Variants in FNTB observed in about 807,000 individuals in gnomAD.
FNTB encodes the protein protein farnesyltransferase subunit beta.
Under a neutral mutation model 59.4 loss-of-function variants are expected in FNTB, and 27 were observed. The ratio of observed to expected loss-of-function variants is 0.45; its 90% CI spans 0.34 to 0.63. The LOEUF (loss-of-function observed/expected upper bound fraction) is 0.63. Ranked by LOEUF, FNTB falls within the 20% of genes least tolerant of loss-of-function variation. FNTB has a pLI of 0.02. For synonymous variants in FNTB, 230 were observed against 220.7 expected (o/e 1.04, Z -0.37); for missense variants, 449 against 559.6 (o/e 0.80, Z 1.99).
rs972660920 is a variant in FNTB at position 64,991,093 on chromosome 14, C to CA, written c.144+4001dup. 8.6e-5 allele frequency among the ~76,000 whole-genome samples: 13 copies of CA among 152,038 alleles called. No individual in the cohort carries two copies. Among genetic ancestry groups the CA allele is most frequent in the African/African-American group, 2.9e-4 (12 of 41,394 alleles). ...ATAGTCTCAGAGGTAGCAGCCTTGCCAAAAACAGGTGTTTACAAAAGATAC... is the reference window on the plus strand; with the variant it reads ...ATAGTCTCAGAGGTAGCAGCCTTGCCAAAAAACAGGTGTTTACAAAAGATAC... On this transcript the variant is annotated intron_variant, in intron 1 of 11. Coordinates refer to ENST00000246166, the MANE Select transcript of FNTB (RefSeq NM_002028.4). The surrounding 1 kb of genome is among the most constrained non-coding windows in gnomAD (Gnocchi z 4.4).
At chr14:65,013,754 G>T (rs563301351) in intron 3 of FNTB, among the ~76,000 whole-genome samples, 1 of 152,224 alleles carries the variant, frequency 6.6e-6, no homozygotes, top group South Asian at 2.1e-4. Context: ...CACCATATTG[G>T]CCAGGCTGGT....
intron 9 of FNTB, among the ~76,000 whole-genome samples, chr14:65,045,408 C>T (rs1257473618): frequency 1.7e-4 from 22 of 132,376 alleles, no homozygotes; most frequent in African/African-American, 4.5e-4. Flanking sequence ...CCCCACCCCC[C>T]GTCTTCCCCC....
At position 65,029,377 on chromosome 14, in the gene FNTB, A is replaced by G. The variant is rs1641423210; in HGVS notation, c.605+1596A>G. Among the ~76,000 whole-genome samples, 1 of 152,134 alleles carries G rather than the reference A, an allele frequency of 6.6e-6. No individual in the cohort carries two copies. The highest frequency in any genetic ancestry group is 6.5e-5 in the Admixed American group (1 of 15,274). On this transcript the variant is annotated intron_variant, in intron 6 of 11. Coordinates refer to ENST00000246166, the MANE Select transcript of FNTB (RefSeq NM_002028.4). This position sits in a 1 kb window ranked among gnomAD's most constrained non-coding sequence, Gnocchi z 4.7. ...CTTGGAGAAAAGCAGCAGTGATGGGAGAGTTTGACATCTGGAGACTAGCTC... is the reference window on the plus strand; with the variant it reads ...CTTGGAGAAAAGCAGCAGTGATGGGGGAGTTTGACATCTGGAGACTAGCTC...
intron 7 of FNTB, among the ~76,000 whole-genome samples, chr14:65,037,472 T>G (rs1368939278): frequency 8.0e-6 from 1 of 124,474 alleles, no homozygotes; most frequent in East Asian, 2.8e-4. Context: ...GTTTTATGTG[T>G]CTCCCAGATT....
intron 9 of FNTB, among the ~76,000 whole-genome samples, chr14:65,049,619 T>C (rs1443618334): frequency 6.6e-6 from 1 of 152,188 alleles, no homozygotes; most frequent in Non-Finnish European, 1.5e-5. Flanking sequence ...CAGTCTATAG[T>C]TTTTTATATA....
intron 1 of FNTB, among the ~76,000 whole-genome samples, chr14:64,999,847 C>G (rs1888532117): frequency 6.6e-6 from 1 of 152,158 alleles, no homozygotes; most frequent in Non-Finnish European, 1.5e-5. Context: ...TGGAAAATCA[C>G]TTGTTCATTC....
intron 7 of FNTB, among the ~76,000 whole-genome samples, chr14:65,035,692 G>A (rs1182369152): frequency 6.6e-6 from 1 of 151,696 alleles, no homozygotes; most frequent in Non-Finnish European, 1.5e-5. Flanking sequence ...ACCATAACCA[G>A]CTAATGTTTA....
At chr14:65,037,762 T>G (rs1458268849) in intron 7 of FNTB, among the ~76,000 whole-genome samples, 7 of 138,100 alleles carry the variant, frequency 5.1e-5, no homozygotes, top group Non-Finnish European at 7.6e-5. Flanking sequence ...ATTTATTTAT[T>G]TATTTATTTA....
intron 1 of FNTB, among the ~76,000 whole-genome samples, chr14:64,989,106 T>A (rs1888075493): frequency 6.6e-6 from 1 of 151,802 alleles, no homozygotes; most frequent in African/African-American, 2.4e-5. Flanking sequence ...ACTCTTTCAG[T>A]TTTAACTAAA....
In FNTB at chr14:65,044,212, G is replaced by A. The variant is rs1347814513; in HGVS notation, c.823-99G>A. The A allele has an allele frequency of 1.3e-6, 2 of 1,586,142 alleles. No individual in the cohort carries two copies. Among genetic ancestry groups the A allele is most frequent in the Non-Finnish European group, 1.7e-6 (2 of 1,168,848 alleles). ...TAGAGTGCCAAGAAGCCACAAGATGGGAAACCCTCCATCCCACAGATTGAC... is the reference window on the plus strand; with the variant it reads ...TAGAGTGCCAAGAAGCCACAAGATGAGAAACCCTCCATCCCACAGATTGAC... On this transcript the variant is annotated intron_variant, in intron 8 of 11. Transcript: ENST00000246166. The surrounding 1 kb of genome is among the most constrained non-coding windows in gnomAD (Gnocchi z 5.5).
At position 65,032,718 on chromosome 14, in the gene FNTB, C is replaced by T. The variant is rs1288583947; in HGVS notation, c.692+22C>T. ...CAAGGTGAGAGAAGCCAGGGTTTCT[C>T]CTGGCCTCTTGGAGAGCAGGCGGTC... On this transcript the variant is annotated intron_variant, in intron 7 of 11. Coordinates refer to ENST00000246166, the MANE Select transcript of FNTB (RefSeq NM_002028.4). This position sits in a 1 kb window ranked among gnomAD's most constrained non-coding sequence, Gnocchi z 5.0. The T allele has an allele frequency of 5.0e-6, 8 of 1,610,688 alleles. No individual in the cohort carries two copies. The highest frequency in any genetic ancestry group is 1.3e-5 in the African/African-American group (1 of 74,760).
intron 1 of FNTB, 29 bp from the exon 2 acceptor site, chr14:65,004,218 TTC>T (rs1346352438): frequency 1.2e-6 from 2 of 1,606,126 alleles, no homozygotes; most frequent in Non-Finnish European, 1.7e-6. Context: ...TGTATTTGTT[TTC>T]TCTCTCCTAT....
Position 65,054,611 on chromosome 14 carries a change from C to T in FNTB, c.1104C>T (p.Ser368=), listed in dbSNP as rs765948181. The change falls in exon 11 of 12, where the codon AGC becomes AGT. Residue 368 remains serine, a synonymous_variant. Coordinates refer to ENST00000246166, the MANE Select transcript of FNTB (RefSeq NM_002028.4). The surrounding 1 kb of genome is among the most constrained non-coding windows in gnomAD (Gnocchi z 4.4). ...RDFYHTCYCL[S]GLSIAQHFGS... is the part of the protein sequence containing the mutation. Reference sequence around the variant, plus strand: ...TCTACCACACCTGCTACTGCCTGAGCGGCCTGTCCATAGCCCAGCACTTCG... The same window carrying T: ...TCTACCACACCTGCTACTGCCTGAGTGGCCTGTCCATAGCCCAGCACTTCG... The T allele has an allele frequency of 8.7e-6, 14 of 1,613,650 alleles. No individual in the cohort carries two copies. The highest frequency in any genetic ancestry group is 2.2e-5 in the South Asian group (2 of 90,978).
chr14:65,040,868 C>T lies in FNTB; in HGVS notation c.771C>T (p.Ala257=), dbSNP rs145895625. 1.2e-4 allele frequency: 187 copies of T among 1,613,970 alleles called. No homozygotes were observed. In the African/African-American group the frequency reaches 1.8e-3, roughly 16 times the overall value. The change falls in exon 8 of 12, where the codon GCC becomes GCT. Residue 257 remains alanine (A), a synonymous_variant. Transcript: ENST00000246166. ...AHGGYTFCGL[A]ALVILKRERS... ...GTGGCTATACCTTCTGTGGCCTGGC[C>T]GCGCTGGTAATCCTCAAGAGGGAAC...
chr14:65,022,708 CAT>C (rs1342518774), intron 4 of FNTB, among the ~76,000 whole-genome samples: 2 of 152,026 alleles, frequency 1.3e-5, no homozygotes, highest in Non-Finnish European at 2.9e-5. Flanking sequence ...TTACAACTCT[CAT>C]GTGAATTCCC....
At chr14:65,019,739 T>C (rs1223054305) in intron 4 of FNTB, among the ~76,000 whole-genome samples, 1 of 152,202 alleles carries the variant, frequency 6.6e-6, no homozygotes, top group South Asian at 2.1e-4. Context: ...AATAATGTAT[T>C]TTGCTTTGTG....
chr14:65,030,304 T>C lies in FNTB; in HGVS notation c.606-2306T>C, dbSNP rs1278353297. Among the ~76,000 whole-genome samples the C allele has an allele frequency of 1.3e-5, 2 of 152,218 alleles. No individual in the cohort carries two copies. The highest frequency in any genetic ancestry group is 4.8e-5 in the African/African-American group (2 of 41,466). ...ACTTGTGACTCTTGTGTGCTCCCAA[T>C]GCCTGCTGGTGGAACTAAACTTCCA... On this transcript the variant is annotated intron_variant, in intron 6 of 11. Transcript: ENST00000246166. The surrounding 1 kb of genome is among the most constrained non-coding windows in gnomAD (Gnocchi z 4.5).
In FNTB at chr14:65,040,774, C is replaced by G; in HGVS notation, c.693-16C>G. ...CTCACTGGCCACTCATTCTGCTTTT[C>G]TCAATCTCTTCTTAGGTGTCAGAAC... On this transcript the variant is annotated splice_polypyrimidine_tract_variant and intron_variant, in intron 7 of 11. Coordinates refer to ENST00000246166, the MANE Select transcript of FNTB (RefSeq NM_002028.4). 2.5e-6 allele frequency: 4 copies of G among 1,609,966 alleles called. No homozygotes were observed. Among genetic ancestry groups the G allele is most frequent in the Non-Finnish European group, 3.4e-6 (4 of 1,177,966 alleles).
rs535819534 is a variant in FNTB, at chr14:64,990,300, G to T, written c.144+3203G>T. Among the ~76,000 whole-genome samples the T allele has an allele frequency of 6.6e-6, 1 of 152,326 alleles. No individual in the cohort carries two copies. The highest frequency in any genetic ancestry group is 2.4e-5 in the African/African-American group (1 of 41,572). On this transcript the variant is annotated intron_variant, in intron 1 of 11. Transcript: ENST00000246166. The surrounding 1 kb of genome is among the most constrained non-coding windows in gnomAD (Gnocchi z 5.2). ...CTCTGTAGATGTGCCCCAGGAGGGGGCCCTGCACTGACAGGTTGCCTTGCT... is the reference window on the plus strand; with the variant it reads ...CTCTGTAGATGTGCCCCAGGAGGGGTCCCTGCACTGACAGGTTGCCTTGCT...
Sources: gnomAD v4.1 joint callset for allele counts (sites outside exome capture counted in the v4.1 genomes callset) on GRCh38, gnomAD v4.1.1 for gene constraint, Gnocchi (gnomAD v3.1) non-coding constraint, MANE v1.5 for transcripts, NCBI Gene and HGNC (gene_info 2026-07-23, HGNC 2026-07-21) for gene names.